Variants in FREM2 observed in about 807,000 individuals in gnomAD.
FREM2 encodes FRAS1-related extracellular matrix protein 2.
Under a neutral mutation model 219.9 loss-of-function variants are expected in FREM2, and 119 were observed. The ratio of observed to expected loss-of-function variants is 0.54; its 90% CI spans 0.47 to 0.63. The LOEUF (loss-of-function observed/expected upper bound fraction) is 0.63, where lower values mean the gene tolerates loss of function less well. Ranked by LOEUF, FREM2 falls within the 30% of genes least tolerant of loss-of-function variation. FREM2 has a pLI of 0.00. For missense variants in FREM2, 4,030 were observed against 3,993.6 expected, an observed-to-expected ratio of 1.01 and a Z score of -0.25; for synonymous variants, 1,562 against 1,522.8, an observed-to-expected ratio of 1.03 and a Z score of -0.60.
At chr13:38,819,245 CA>C (rs1390386596) in intron 6 of FREM2, among the ~76,000 whole-genome samples, 2 of 152,068 alleles carry the variant, frequency 1.3e-5, no homozygotes, top group African/African-American at 4.8e-5. Flanking sequence ...ATGCACTGCT[CA>C]CCACAGGAAA....
chr13:38,808,159 C>T (rs1447670132), intron 6 of FREM2, among the ~76,000 whole-genome samples: 1 of 151,862 alleles, frequency 6.6e-6, no homozygotes, highest in African/African-American at 2.4e-5. Flanking sequence ...TCTGTTAGCT[C>T]CCAACTTTTC....
chr13:38,830,417 A>G (rs1876461979), intron 6 of FREM2, among the ~76,000 whole-genome samples: 1 of 152,148 alleles, frequency 6.6e-6, no homozygotes, highest in Non-Finnish European at 1.5e-5. Context: ...GCCCTAGCTC[A>G]AGACCTCACT....
chr13:38,714,094 G>A (rs756089700), intron 2 of FREM2, among the ~76,000 whole-genome samples: 1 of 152,222 alleles, frequency 6.6e-6, no homozygotes, highest in Non-Finnish European at 1.5e-5. Context: ...TGATTCTAGT[G>A]ATAAACTGTT....
chr13:38,756,077 A>T (rs994903686), intron 2 of FREM2, among the ~76,000 whole-genome samples: 2 of 152,200 alleles, frequency 1.3e-5, no homozygotes, highest in African/African-American at 4.8e-5. Context: ...TATGCCAGAA[A>T]AGGGATTGAT....
chr13:38,743,933 A>T (rs1043014033), intron 2 of FREM2, among the ~76,000 whole-genome samples: 3 of 152,226 alleles, frequency 2.0e-5, no homozygotes, highest in African/African-American at 7.2e-5. Context: ...AAGTACATAC[A>T]AAGGTATATA....
chr13:38,768,567 A>G, intron 3 of FREM2, among the ~76,000 whole-genome samples: 1 of 152,150 alleles, frequency 6.6e-6, no homozygotes, highest in East Asian at 1.9e-4. Context: ...CTGAGCCACC[A>G]TGCCCAGCCT....
chr13:38,720,768 AAG>A (rs1871199201), intron 2 of FREM2, among the ~76,000 whole-genome samples: 2 of 152,162 alleles, frequency 1.3e-5, no homozygotes, highest in Non-Finnish European at 2.9e-5. Context: ...CCAGGCTCAA[AAG>A]AGAGGGGGAA....
At chr13:38,754,461 G>A (rs2137797875) in intron 2 of FREM2, among the ~76,000 whole-genome samples, 1 of 152,284 alleles carries the variant, frequency 6.6e-6, no homozygotes, top group South Asian at 2.1e-4. Flanking sequence ...TGAAGACTCA[G>A]AGGAAGTATA....
intron 2 of FREM2, among the ~76,000 whole-genome samples, chr13:38,700,354 G>A (rs1344184537): frequency 6.6e-6 from 1 of 152,040 alleles, no homozygotes; most frequent in Non-Finnish European, 1.5e-5. Flanking sequence ...GTTTTGGAGT[G>A]CTTTGGGACT....
chr13:38,813,738 T>A (rs151062128), intron 6 of FREM2, among the ~76,000 whole-genome samples: 191 of 151,342 alleles, frequency 1.3e-3, no homozygotes, highest in African/African-American at 4.3e-3. Context: ...TTTATCTTTT[T>A]CTCTAGGTTT....
At chr13:38,801,206 A>G (rs1874994543) in intron 6 of FREM2, among the ~76,000 whole-genome samples, 1 of 152,136 alleles carries the variant, frequency 6.6e-6, no homozygotes, top group South Asian at 2.1e-4. Context: ...TTAAAAAATT[A>G]TTTCTTTGGT....
At chr13:38,815,935 A>C (rs1711543401) in intron 6 of FREM2, among the ~76,000 whole-genome samples, 1 of 152,220 alleles carries the variant, frequency 6.6e-6, no homozygotes, top group Non-Finnish European at 1.5e-5. Context: ...CCAAATTTCA[A>C]CATGAGATTT....
chr13:38,822,311 T>A (rs552637409), intron 6 of FREM2, among the ~76,000 whole-genome samples: 1 of 151,464 alleles, frequency 6.6e-6, no homozygotes, highest in South Asian at 2.1e-4. Context: ...TGAAGCTCTG[T>A]GGTCAAAATG....
intron 6 of FREM2, among the ~76,000 whole-genome samples, chr13:38,787,770 T>A (rs934671030): frequency 3.3e-5 from 5 of 150,036 alleles, no homozygotes; most frequent in Non-Finnish European, 7.4e-5. Flanking sequence ...TTTATTATTA[T>A]TTATTAATTT....
intron 6 of FREM2, among the ~76,000 whole-genome samples, chr13:38,795,548 A>G (rs974793569): frequency 2.0e-5 from 3 of 152,032 alleles, no homozygotes; most frequent in African/African-American, 7.2e-5. Flanking sequence ...TATTTGGAGG[A>G]TATTCATCAC....
In FREM2 at chr13:38,688,615, C is replaced by T; in HGVS notation, c.1271C>T (p.Pro424Leu). 1.9e-6 allele frequency: 3 copies of T among 1,614,138 alleles called. No homozygotes were observed. Among genetic ancestry groups the T allele is most frequent in the South Asian group, 1.1e-5 (1 of 91,080 alleles). Residue 424 changes from proline to leucine, a missense_variant, in exon 1 of 24, where the codon CCT (proline) becomes CTT (leucine). Physicochemically the swap from Pro to Leu is moderately conservative, Grantham distance 98. Around this residue, in one of 2 missense-constraint regions of FREM2, gnomAD observed 3,102 missense variants for 2,950.7 expected, o/e 1.05. Transcript: ENST00000280481. The stretch of plus-strand genomic sequence containing the variant: ...GATCTAGAAGGAGCAGCTTCAGACC[C>T]TTTTGCCTTCATGGTAGTGGTGAAG... ...VVDLEGAASD[P>L]FAFMVVVKPM...
At chr13:38,824,644 T>C (rs1876201036) in intron 6 of FREM2, among the ~76,000 whole-genome samples, 1 of 151,952 alleles carries the variant, frequency 6.6e-6, no homozygotes, top group Non-Finnish European at 1.5e-5. Context: ...AGCTGTCCTC[T>C]TGAGCTGAGT....
At chr13:38,818,055 G>A (rs1875838120) in intron 6 of FREM2, among the ~76,000 whole-genome samples, 1 of 152,114 alleles carries the variant, frequency 6.6e-6, no homozygotes, top group African/African-American at 2.4e-5. Flanking sequence ...AGAATGTGGA[G>A]AAAAGGGAAC....
chr13:38,694,957 A>G (rs533366093), intron 1 of FREM2, among the ~76,000 whole-genome samples: 6 of 152,206 alleles, frequency 3.9e-5, no homozygotes, highest in Non-Finnish European at 1.5e-5. Context: ...TTTGAACCAG[A>G]TGTGGCTGCC....
Sources: allele counts gnomAD v4.1 joint callset (sites outside exome capture counted in the v4.1 genomes callset), GRCh38; gene constraint gnomAD v4.1.1; regional missense constraint gnomAD v4.1.1; transcripts MANE v1.5; gene names NCBI Gene and HGNC (gene_info 2026-07-23, HGNC 2026-07-21).